TPST1: variants seen among roughly 807,000 people sequenced by gnomAD.
TPST1 encodes tyrosylprotein sulfotransferase 1, also known as protein-tyrosine sulfotransferase 1.
TPST1 carries 20 observed loss-of-function variants against 34.8 expected under a neutral mutation model. The observed-to-expected ratio is 0.57, with a 90% CI of 0.40 to 0.84. TPST1 has a LOEUF of 0.84. TPST1 is among the 40% of genes least tolerant of loss of function. The probability of loss-of-function intolerance (pLI) is 0.00; values close to 1 mark genes in which losing one functional copy is unlikely to be tolerated. For missense variants in TPST1, 353 were observed against 455.5 expected, an observed-to-expected ratio of 0.78 and a Z score of 2.05; for synonymous variants, 152 against 159.4, an observed-to-expected ratio of 0.95 and a Z score of 0.35.
chr7:66,307,880 C>G (rs1053172511), intron 3 of TPST1, among the ~76,000 whole-genome samples: 1 of 152,212 alleles, frequency 6.6e-6, no homozygotes, highest in Non-Finnish European at 1.5e-5. Flanking sequence ...AGAGCCTCCT[C>G]TGCTGAGATT....
chr7:66,313,850 A>G (rs1271983229), intron 3 of TPST1, among the ~76,000 whole-genome samples: 1 of 152,008 alleles, frequency 6.6e-6, no homozygotes, highest in Non-Finnish European at 1.5e-5. Flanking sequence ...TGGACTTTGT[A>G]GTTTTTTTTT....
At chr7:66,266,838 T>C (rs1276128969) in intron 2 of TPST1, among the ~76,000 whole-genome samples, 1 of 152,178 alleles carries the variant, frequency 6.6e-6, no homozygotes, top group African/African-American at 2.4e-5. Flanking sequence ...ACCAATCTTT[T>C]GTGATAGTAG....
upstream of TPST1, among the ~76,000 whole-genome samples, chr7:66,204,802 G>A (rs1157539164): frequency 6.6e-6 from 1 of 152,244 alleles, no homozygotes; most frequent in Non-Finnish European, 1.5e-5. Context: ...TCGTGGGGAT[G>A]AAATAGTGTT....
chr7:66,254,561 G>A (rs1182797150), intron 2 of TPST1, among the ~76,000 whole-genome samples: 1 of 151,982 alleles, frequency 6.6e-6, no homozygotes, highest in Non-Finnish European at 1.5e-5. Flanking sequence ...GAGCCACCAA[G>A]CCTGGCTAAT....
intron 2 of TPST1, among the ~76,000 whole-genome samples, chr7:66,243,418 T>C (rs1338632545): frequency 3.3e-5 from 5 of 152,062 alleles, no homozygotes; most frequent in South Asian, 2.1e-4. Context: ...GCTGCTTTGG[T>C]TGAGGTGAGT....
At chr7:66,339,321 A>G (rs1403037898) in intron 3 of TPST1, among the ~76,000 whole-genome samples, 2 of 152,210 alleles carry the variant, frequency 1.3e-5, no homozygotes, top group Non-Finnish European at 2.9e-5. Context: ...AAAGACCTCA[A>G]CAAACCAATA....
chr7:66,318,313 C>T (rs1358875121), intron 3 of TPST1, among the ~76,000 whole-genome samples: 1 of 152,040 alleles, frequency 6.6e-6, no homozygotes, highest in Non-Finnish European at 1.5e-5. Flanking sequence ...CTTTTTTTAA[C>T]ACTATATGTT....
upstream of TPST1, among the ~76,000 whole-genome samples, chr7:66,200,763 G>A (rs762538793): frequency 6.6e-6 from 1 of 151,886 alleles, no homozygotes; most frequent in African/African-American, 2.4e-5. Flanking sequence ...GATTTGCGCT[G>A]TCGCTCAGGC....
intron 3 of TPST1, among the ~76,000 whole-genome samples, chr7:66,341,797 A>C (rs1258203071): frequency 6.6e-6 from 1 of 152,240 alleles, no homozygotes; most frequent in Non-Finnish European, 1.5e-5. Flanking sequence ...AATAAGCAAA[A>C]GAAATCATAA....
intron 2 of TPST1, among the ~76,000 whole-genome samples, chr7:66,270,706 G>A (rs1049276189): frequency 6.6e-6 from 1 of 152,060 alleles, no homozygotes; most frequent in Admixed American, 6.6e-5. Context: ...TTTTGCAATC[G>A]AACTGCTGAT....
intron 5 of TPST1, chr7:66,359,337 C>T (rs1233138921): frequency 7.1e-6 from 1 of 140,882 alleles, no homozygotes; most frequent in South Asian, 2.4e-4. Context: ...CATTTCTTCA[C>T]ATGAGGAATC....
intron 3 of TPST1, among the ~76,000 whole-genome samples, chr7:66,312,839 G>GA (rs888818856): frequency 3.3e-5 from 5 of 151,708 alleles, no homozygotes; most frequent in African/African-American, 9.7e-5. Flanking sequence ...ACCTATGAAA[G>GA]AAAAAAATAG....
At chr7:66,219,964 C>G (rs1261913635) in intron 1 of TPST1, among the ~76,000 whole-genome samples, 1 of 151,814 alleles carries the variant, frequency 6.6e-6, no homozygotes, top group Non-Finnish European at 1.5e-5. Flanking sequence ...ATTCATTCAT[C>G]AACAAGAGTG....
chr7:66,345,489 CAAAAAAAAAAAA>C (rs58837242), intron 3 of TPST1, among the ~76,000 whole-genome samples: 1 of 64,862 alleles, frequency 1.5e-5, no homozygotes, highest in Non-Finnish European at 2.7e-5. Context: ...ACTCCATCTC[CAAAAAAAAAAAA>C]AAAAAAAAAA....
intron 2 of TPST1, among the ~76,000 whole-genome samples, chr7:66,260,300 AATATTTTG>A (rs1790463575): frequency 6.6e-6 from 1 of 152,222 alleles, no homozygotes; most frequent in Non-Finnish European, 1.5e-5. Context: ...GATTTTATAC[AATATTTTG>A]AATAATTTTG....
chr7:66,331,983 C>G (rs1045522636), intron 3 of TPST1, among the ~76,000 whole-genome samples: 2 of 152,056 alleles, frequency 1.3e-5, no homozygotes, highest in African/African-American at 2.4e-5. Flanking sequence ...ATGAGACCCT[C>G]TAGTTGCAGG....
chr7:66,245,086 A>G (rs1790120293), intron 2 of TPST1, among the ~76,000 whole-genome samples: 1 of 152,204 alleles, frequency 6.6e-6, no homozygotes. Context: ...GACATTTTTG[A>G]GGAAGTAGGA....
In TPST1 at chr7:66,241,104, A is replaced by G. The variant is rs371882765; in HGVS notation, c.679A>G (p.Met227Val). 6 of 1,614,088 alleles carry G rather than the reference A, an allele frequency of 3.7e-6. No homozygotes were observed. The highest frequency in any genetic ancestry group is 1.1e-5 in the South Asian group (1 of 91,092). ...TATAGAGACCATGTATAACCAGTGT[A>G]TGGAGGTTGGTTATAAAAAGTGCAT... ...RAIETMYNQC[M>V]EVGYKKCMLV... Residue 227 changes from methionine (M) to valine (V), a missense_variant, in exon 2 of 6, where the codon ATG becomes GTG. By Grantham distance (21) the Met-to-Val change is conservative (BLOSUM62 1). Coordinates refer to ENST00000304842, the MANE Select transcript of TPST1 (RefSeq NM_003596.4).
At chr7:66,322,879 G>A (rs556455146) in intron 3 of TPST1, among the ~76,000 whole-genome samples, 3 of 106,114 alleles carry the variant, frequency 2.8e-5, no homozygotes, top group Admixed American at 2.7e-4. Context: ...GTGCACAAAG[G>A]TTCCAGTTTT....
Sources: allele counts gnomAD v4.1 joint callset (sites outside exome capture counted in the v4.1 genomes callset), GRCh38; gene constraint gnomAD v4.1.1; transcripts MANE v1.5; gene names NCBI Gene and HGNC (gene_info 2026-07-23, HGNC 2026-07-21).